COL25A1: variants seen among roughly 807,000 people sequenced by gnomAD.
COL25A1 encodes collagen type XXV alpha 1 chain.
COL25A1 carries 103 observed loss-of-function variants against 128.4 expected under a neutral mutation model. That is an observed-to-expected ratio of 0.80 (90% CI 0.68 to 0.94). The LOEUF (loss-of-function observed/expected upper bound fraction) is 0.94. COL25A1 is among the 40% of genes least tolerant of loss of function. The probability of loss-of-function intolerance (pLI) is 0.00; values close to 1 mark genes in which losing one functional copy is unlikely to be tolerated. For missense variants in COL25A1, 745 were observed against 840.0 expected (o/e 0.89, Z 1.40); for synonymous variants, 279 against 277.2 (o/e 1.01, Z -0.06).
At chr4:109,230,094 G>A (rs1578497964) in intron 3 of COL25A1, among the ~76,000 whole-genome samples, 1 of 152,084 alleles carries the variant, frequency 6.6e-6, no homozygotes, top group African/African-American at 2.4e-5. Context: ...AGCCATGAGG[G>A]ATCCGCCTCC....
chr4:108,863,534 A>G (rs1389736255), intron 20 of COL25A1, 147 bp from the exon 21 acceptor site: 8 of 603,598 alleles, frequency 1.3e-5, no homozygotes, highest in Non-Finnish European at 2.0e-5. Context: ...ATCTCTTAAC[A>G]TGAATTATCT....
intron 13 of COL25A1, among the ~76,000 whole-genome samples, chr4:108,904,423 T>C (rs958513778): frequency 3.9e-5 from 6 of 152,100 alleles, no homozygotes; most frequent in African/African-American, 1.2e-4. Flanking sequence ...GCATAATAAA[T>C]AGAAAACAAC....
intron 3 of COL25A1, among the ~76,000 whole-genome samples, chr4:109,144,358 TA>T (rs1770732046): frequency 6.6e-6 from 1 of 152,186 alleles, no homozygotes; most frequent in Non-Finnish European, 1.5e-5. Flanking sequence ...GTCTCCCAGT[TA>T]GGAGGCATGG....
chr4:108,883,160 G>C (rs1040730257), intron 19 of COL25A1, among the ~76,000 whole-genome samples: 2 of 152,002 alleles, frequency 1.3e-5, no homozygotes, highest in Non-Finnish European at 2.9e-5. Context: ...TCCTGCCTCA[G>C]CCTCCTGAGC....
At chr4:109,196,724 TC>T (rs1477033080) in intron 3 of COL25A1, among the ~76,000 whole-genome samples, 1 of 152,212 alleles carries the variant, frequency 6.6e-6, no homozygotes, top group Non-Finnish European at 1.5e-5. Context: ...TATGTTACAC[TC>T]CCAGACTATG....
chr4:108,849,557 C>T (rs10028383), intron 26 of COL25A1, among the ~76,000 whole-genome samples: 1 of 152,062 alleles, frequency 6.6e-6, no homozygotes, highest in Admixed American at 6.6e-5. Flanking sequence ...GAAAGTTAAT[C>T]GAACAGCAAA....
intron 3 of COL25A1, among the ~76,000 whole-genome samples, chr4:109,085,842 T>C (rs527949829): frequency 6.6e-6 from 1 of 152,200 alleles, no homozygotes; most frequent in African/African-American, 2.4e-5. Flanking sequence ...TAAATATTTG[T>C]TAAAAGAATA....
chr4:108,901,146 T>C lies in COL25A1; in HGVS notation c.807A>G (p.Val269=). 1 of 1,612,572 alleles carries C rather than the reference T, an allele frequency of 6.2e-7. No homozygotes were observed. The highest frequency in any genetic ancestry group is 8.5e-7 in the Non-Finnish European group (1 of 1,178,926). ...TAGGTCCTGGTATTCCATTCTGTCCTACTGCTCCAGGCAACCCGGGCTCAC... is the reference window on the plus strand; with the variant it reads ...TAGGTCCTGGTATTCCATTCTGTCCCACTGCTCCAGGCAACCCGGGCTCAC... ...QKGEPGLPGA[V]GQNGIPGPKG... is the part of the protein sequence containing the mutation. Residue 269 remains valine (V), a synonymous_variant, in exon 14 of 38, where the codon GTA becomes GTG. Transcript: ENST00000399132.
At chr4:109,206,012 G>A (rs532066741) in intron 3 of COL25A1, among the ~76,000 whole-genome samples, 14 of 151,938 alleles carry the variant, frequency 9.2e-5, no homozygotes, top group African/African-American at 3.4e-4. Context: ...AGTTTTCAGG[G>A]ACCAAGAACA....
At chr4:109,081,296 A>C (rs1175629388) in intron 3 of COL25A1, among the ~76,000 whole-genome samples, 1 of 152,242 alleles carries the variant, frequency 6.6e-6, no homozygotes, top group Non-Finnish European at 1.5e-5. Flanking sequence ...ATCTATTCAG[A>C]AAAAAGGGCA....
chr4:109,188,985 T>C (rs2126158105), intron 3 of COL25A1, among the ~76,000 whole-genome samples: 1 of 152,248 alleles, frequency 6.6e-6, no homozygotes, highest in Non-Finnish European at 1.5e-5. Flanking sequence ...TTTTAAATTA[T>C]TTTTTCAATT....
intron 3 of COL25A1, among the ~76,000 whole-genome samples, chr4:109,223,442 A>T (rs1778564763): frequency 6.6e-6 from 1 of 152,070 alleles, no homozygotes; most frequent in Non-Finnish European, 1.5e-5. Context: ...TCTATGTCTT[A>T]AATATTGACT....
chr4:109,048,289 G>A (rs1182146650), intron 4 of COL25A1, 114 bp from the exon 5 acceptor site: 4 of 1,021,818 alleles, frequency 3.9e-6, no homozygotes, highest in Non-Finnish European at 5.8e-6. Context: ...TAATAGACAT[G>A]GAAGTTTTTT....
intron 19 of COL25A1, among the ~76,000 whole-genome samples, chr4:108,870,929 A>C (rs1738632193): frequency 6.6e-6 from 1 of 152,210 alleles, no homozygotes; most frequent in African/African-American, 2.4e-5. Flanking sequence ...AGAAAAACAA[A>C]TAGATGCACC....
intron 31 of COL25A1, among the ~76,000 whole-genome samples, chr4:108,840,297 G>A (rs1304205290): frequency 4.0e-5 from 6 of 151,070 alleles, no homozygotes; most frequent in Non-Finnish European, 7.4e-5. Context: ...AGTCTAGATG[G>A]GGAAAAAGGC....
chr4:109,268,821 C>A (rs1781971506), intron 3 of COL25A1, among the ~76,000 whole-genome samples: 1 of 152,152 alleles, frequency 6.6e-6, no homozygotes, highest in Non-Finnish European at 1.5e-5. Flanking sequence ...CAAAGGCTCC[C>A]TCATTCTAAG....
chr4:108,922,699 T>C (rs1162645528), intron 11 of COL25A1, among the ~76,000 whole-genome samples: 1 of 152,216 alleles, frequency 6.6e-6, no homozygotes, highest in Admixed American at 6.5e-5. Context: ...TTTAACACAA[T>C]ATTTAATGAA....
At chr4:108,956,402 T>C (rs1750077432) in intron 8 of COL25A1, among the ~76,000 whole-genome samples, 1 of 152,150 alleles carries the variant, frequency 6.6e-6, no homozygotes, top group Non-Finnish European at 1.5e-5. Context: ...TAATACATGT[T>C]ATTTTTGTTT....
chr4:108,908,582 A>T (rs951411579), intron 13 of COL25A1, among the ~76,000 whole-genome samples: 9 of 152,348 alleles, frequency 5.9e-5, no homozygotes, highest in East Asian at 3.9e-4. Context: ...TGCGTTATCT[A>T]AACAGCAAAC....
Sources: gnomAD v4.1 joint callset for allele counts (sites outside exome capture counted in the v4.1 genomes callset) on GRCh38, gnomAD v4.1.1 for gene constraint, MANE v1.5 for transcripts, NCBI Gene and HGNC (gene_info 2026-07-23, HGNC 2026-07-21) for gene names.